The following ITGA8 variants were observed in gnomAD, a reference collection of about 807,000 sequenced individuals.
ITGA8 encodes the protein integrin alpha-8.
Under a neutral mutation model 142.3 loss-of-function variants are expected in ITGA8, and 91 were observed. The observed-to-expected ratio is 0.64, with a 90% CI of 0.54 to 0.76. ITGA8 has a LOEUF of 0.76. Among genes scored for constraint, ITGA8 ranks in the 30% least tolerant of loss-of-function variants. The probability of loss-of-function intolerance (pLI) is 0.00; values close to 1 mark genes in which losing one functional copy is unlikely to be tolerated. For missense variants in ITGA8, 1,406 were observed against 1,327.7 expected (o/e 1.06, Z -0.92); for synonymous variants, 505 against 485.2 (o/e 1.04, Z -0.54).
intron 8 of ITGA8, among the ~76,000 whole-genome samples, chr10:15,667,211 A>G (rs889409975): frequency 7.2e-5 from 11 of 152,210 alleles, no homozygotes; most frequent in African/African-American, 2.4e-4. Flanking sequence ...TTATTGGTCT[A>G]TTCAGAGATT....
chr10:15,695,163 G>A (rs981804714), intron 2 of ITGA8, among the ~76,000 whole-genome samples: 10 of 152,126 alleles, frequency 6.6e-5, no homozygotes, highest in African/African-American at 2.4e-4. Context: ...CAATTTGGCA[G>A]TAATATTTTT....
intron 8 of ITGA8, among the ~76,000 whole-genome samples, chr10:15,667,103 C>T (rs550162421): frequency 1.2e-4 from 19 of 152,264 alleles, no homozygotes; most frequent in Admixed American, 4.6e-4. Flanking sequence ...GTACCAGCTC[C>T]TCTTTGCACC....
At position 15,522,008 on chromosome 10, in the gene ITGA8, G is replaced by T. The variant is rs117771814; in HGVS notation, c.2983-2596C>A. The stretch of plus-strand genomic sequence containing the variant: ...CTGACAAACATAGTCAGGTAGAAGG[G>T]ATACATTCTAGTGTTCAGTAACACA... On this transcript the variant is annotated intron_variant, in intron 28 of 29. Transcript: ENST00000378076. Among the ~76,000 whole-genome samples the T allele has an allele frequency of 3.4e-4, 52 of 152,250 alleles. No homozygotes were observed. In the East Asian group the frequency reaches 9.6e-3, roughly 28 times the overall value.
At chr10:15,548,345 G>T (rs557104114) in intron 27 of ITGA8, 110 bp downstream of exon 27, 6 of 732,012 alleles carry the variant, frequency 8.2e-6, no homozygotes, top group Non-Finnish European at 1.4e-5. Flanking sequence ...CATCTGCCTC[G>T]GACTTCCACA....
chr10:15,646,907 C>CGTCT lies in ITGA8; in HGVS notation c.1142_1145dup (p.Phe383AspfsTer7). 1 of 1,614,084 alleles carries CGTCT rather than the reference C, an allele frequency of 6.2e-7. No homozygotes were observed. Among genetic ancestry groups the CGTCT allele is most frequent in the Non-Finnish European group, 8.5e-7 (1 of 1,180,014 alleles). ...CCATAGCACTACCGAATCTCCCAAA[C>CGTCT]GTCTCGGTGCCAGTGAGGATCTGGG... On this transcript the variant is annotated frameshift_variant, in exon 12 of 30. Transcript: ENST00000378076. LOFTEE classifies it high-confidence loss of function.
intron 25 of ITGA8, among the ~76,000 whole-genome samples, chr10:15,559,588 A>ACT (rs1162609836): frequency 2.0e-5 from 3 of 152,164 alleles, no homozygotes; most frequent in Non-Finnish European, 4.4e-5. Context: ...AGAGAGTGAC[A>ACT]AAGAATGCCA....
chr10:15,590,394 A>G (rs1832904180), intron 22 of ITGA8, among the ~76,000 whole-genome samples: 1 of 152,200 alleles, frequency 6.6e-6, no homozygotes, highest in Admixed American at 6.5e-5. Context: ...TAGTAATTGC[A>G]TCCATTCTCT....
intron 2 of ITGA8, among the ~76,000 whole-genome samples, chr10:15,713,463 C>T (rs1165457460): frequency 6.6e-6 from 1 of 152,180 alleles, no homozygotes; most frequent in African/African-American, 2.4e-5. Context: ...TATTAGAGCA[C>T]AGATTTCTCC....
At chr10:15,687,642 A>G (rs1834855786) in intron 3 of ITGA8, among the ~76,000 whole-genome samples, 1 of 152,220 alleles carries the variant, frequency 6.6e-6, no homozygotes. Context: ...GTCAGTCTTA[A>G]GCACTATAAT....
chr10:15,543,010 T>G (rs1320191434), intron 27 of ITGA8, among the ~76,000 whole-genome samples: 1 of 152,172 alleles, frequency 6.6e-6, no homozygotes, highest in Admixed American at 6.5e-5. Flanking sequence ...AATAAAAAAG[T>G]AGGCTATTAA....
At chr10:15,695,345 TTC>T (rs1452349653) in intron 2 of ITGA8, among the ~76,000 whole-genome samples, 2 of 152,290 alleles carry the variant, frequency 1.3e-5, no homozygotes, top group African/African-American at 2.4e-5. Context: ...CTTTCTAAAA[TTC>T]TGTTTTATTA....
At chr10:15,688,960 C>G (rs1834882989) in intron 2 of ITGA8, among the ~76,000 whole-genome samples, 1 of 152,194 alleles carries the variant, frequency 6.6e-6, no homozygotes, top group African/African-American at 2.4e-5. Flanking sequence ...CTCCCCACTT[C>G]CATTCAACAT....
At chr10:15,570,380 G>A (rs932667407) in intron 25 of ITGA8, among the ~76,000 whole-genome samples, 4 of 152,078 alleles carry the variant, frequency 2.6e-5, no homozygotes, top group Admixed American at 2.6e-4. Context: ...GGCCGAGGTG[G>A]GCGGATCACC....
chr10:15,684,832 A>C (rs534993388), intron 3 of ITGA8, among the ~76,000 whole-genome samples: 1 of 152,326 alleles, frequency 6.6e-6, no homozygotes, highest in African/African-American at 2.4e-5. Context: ...TATGAGAACA[A>C]GTTCCTTTCT....
At chr10:15,687,078 A>G (rs992678334) in intron 3 of ITGA8, among the ~76,000 whole-genome samples, 2 of 152,196 alleles carry the variant, frequency 1.3e-5, no homozygotes, top group African/African-American at 2.4e-5. Context: ...TACAAAAACT[A>G]TATTGTGAAT....
At position 15,624,003 on chromosome 10, in the gene ITGA8, T is replaced by A. The variant is rs375076374; in HGVS notation, c.1400-7444A>T. 2.6e-5 allele frequency among the ~76,000 whole-genome samples: 4 copies of A among 152,330 alleles called. No homozygotes were observed. The East Asian group carries it at 7.7e-4, about 29-fold the overall frequency. On this transcript the variant is annotated intron_variant, in intron 13 of 29. Coordinates refer to ENST00000378076, the MANE Select transcript of ITGA8 (RefSeq NM_003638.3). ...TTTGAGATTCATCCACAATGTTGTG[T>A]GTTCCAGGAGTTCATTTTTTTACTG...
chr10:15,649,486 T>C (rs1307026555), intron 11 of ITGA8, among the ~76,000 whole-genome samples: 1 of 151,376 alleles, frequency 6.6e-6, no homozygotes, highest in Non-Finnish European at 1.5e-5. Flanking sequence ...AAAAATTAGC[T>C]GGGCATGGTG....
At chr10:15,655,561 T>C (rs1200974615) in intron 10 of ITGA8, among the ~76,000 whole-genome samples, 155 bp from the exon 11 acceptor site, 1 of 152,206 alleles carries the variant, frequency 6.6e-6, no homozygotes. Context: ...TTGCCTCATT[T>C]AGTCTAACCC....
intron 2 of ITGA8, among the ~76,000 whole-genome samples, chr10:15,708,043 G>A (rs1047870115): frequency 4.7e-5 from 7 of 148,000 alleles, no homozygotes; most frequent in South Asian, 2.1e-4. Flanking sequence ...TCCACTTGTC[G>A]CTGGCTGTTC....
Sources: allele counts gnomAD v4.1 joint callset (sites outside exome capture counted in the v4.1 genomes callset), GRCh38; gene constraint gnomAD v4.1.1; transcripts MANE v1.5; gene names NCBI Gene and HGNC (gene_info 2026-07-23, HGNC 2026-07-21).